RABGEF1: variants seen among roughly 807,000 people sequenced by gnomAD.
RABGEF1 encodes the protein RAB guanine nucleotide exchange factor 1.
In RABGEF1, 26 loss-of-function variants were observed where a neutral mutation model predicts 57.3. The ratio of observed to expected loss-of-function variants is 0.45; its 90% CI spans 0.33 to 0.63. The LOEUF is 0.63. RABGEF1 is among the 20% of genes least tolerant of loss of function. The pLI, the probability that RABGEF1 is intolerant of heterozygous loss-of-function variation, is 0.02. For missense variants in RABGEF1, 464 were observed against 607.6 expected, an observed-to-expected ratio of 0.76 and a Z score of 2.48; for synonymous variants, 185 against 210.7, an observed-to-expected ratio of 0.88 and a Z score of 1.06.
intron 7 of RABGEF1, among the ~76,000 whole-genome samples, chr7:66,801,557 C>T (rs149677764): frequency 1.3e-5 from 2 of 152,336 alleles, no homozygotes; most frequent in Non-Finnish European, 2.9e-5. Context: ...CCTTCCCAGC[C>T]TCTGGTAACC....
intron 4 of RABGEF1, among the ~76,000 whole-genome samples, chr7:66,785,872 TG>T (rs138640399): frequency 0.2 from 30,043 of 148,360 alleles, 3,439 homozygotes; most frequent in East Asian, 0.31. Context: ...AGACTCCATC[TG>T]GGGGGGAAAA....
intron 2 of RABGEF1, among the ~76,000 whole-genome samples, chr7:66,733,621 C>T (rs1797593533): frequency 6.6e-6 from 1 of 152,078 alleles, no homozygotes; most frequent in East Asian, 1.9e-4. Context: ...TTGCGTGAAC[C>T]CGGGAGGTGG....
intron 2 of RABGEF1, among the ~76,000 whole-genome samples, chr7:66,722,993 G>A (rs1409938610): frequency 1.3e-5 from 2 of 151,502 alleles, no homozygotes; most frequent in African/African-American, 4.8e-5. Flanking sequence ...TTTTGAGATG[G>A]AGTTTCACTC....
chr7:66,766,803 C>T (rs993766471), intron 1 of RABGEF1, among the ~76,000 whole-genome samples: 4 of 151,984 alleles, frequency 2.6e-5, no homozygotes, highest in Admixed American at 1.3e-4. Context: ...CGGCTTACTG[C>T]AGCCTCTGCC....
At chr7:66,659,471 A>G in the RABGEF1 span, among the ~76,000 whole-genome samples, 1 of 150,722 alleles carries the variant, frequency 6.6e-6, no homozygotes. Flanking sequence ...AAAAGAAAAA[A>G]GAAAAAAAAG....
intron 1 of RABGEF1, among the ~76,000 whole-genome samples, chr7:66,743,028 G>T (rs1201638771): frequency 1.3e-5 from 2 of 152,170 alleles, no homozygotes; most frequent in South Asian, 4.1e-4. Flanking sequence ...GGGTCTCTCT[G>T]GCCAGGCGCG....
In RABGEF1 at chr7:66,729,605, C is replaced by G. The variant is rs117554683; in HGVS notation, c.-814-10391C>G. On this transcript the variant is annotated intron_variant and NMD_transcript_variant, in intron 2 of 9. Coordinates refer to the RABGEF1 transcript ENST00000607882. Reference sequence around the variant, plus strand: ...ATCCTTACTTCCACCTTTACCTTCACCTTCACACCTGTCCTTACCTCCATT... The same window carrying G: ...ATCCTTACTTCCACCTTTACCTTCAGCTTCACACCTGTCCTTACCTCCATT... 5.3e-3 allele frequency among the ~76,000 whole-genome samples: 805 copies of G among 152,070 alleles called. 2 individuals are homozygous for G. The highest frequency in any genetic ancestry group is 9.8e-3 in the Non-Finnish European group (668 of 67,994).
At chr7:66,665,619 C>G in the RABGEF1 span, among the ~76,000 whole-genome samples, 32 of 152,162 alleles carry the variant, frequency 2.1e-4, no homozygotes, top group Non-Finnish European at 4.4e-4. Context: ...GGGACTCAGT[C>G]TTCTCCTTTG....
At chr7:66,785,821 C>G (rs929882610) in intron 4 of RABGEF1, among the ~76,000 whole-genome samples, 2 of 151,652 alleles carry the variant, frequency 1.3e-5, no homozygotes, top group Non-Finnish European at 2.9e-5. Context: ...TTGCAGTGAG[C>G]GGAGATTGCA....
At chr7:66,745,191 C>G (rs1288197153) in intron 1 of RABGEF1, among the ~76,000 whole-genome samples, 1 of 133,270 alleles carries the variant, frequency 7.5e-6, no homozygotes, top group Non-Finnish European at 1.6e-5. Context: ...GACTCCATCT[C>G]AAAAAAAAAA....
At chr7:66,772,941 T>C (rs1807536348) in intron 2 of RABGEF1, among the ~76,000 whole-genome samples, 1 of 151,178 alleles carries the variant, frequency 6.6e-6, no homozygotes, top group South Asian at 2.1e-4. Flanking sequence ...AATAAATAAA[T>C]GATGGGATGG....
chr7:66,695,328 C>T (rs544900030), intron 1 of RABGEF1, among the ~76,000 whole-genome samples: 19 of 151,870 alleles, frequency 1.3e-4, no homozygotes, highest in African/African-American at 4.3e-4. Flanking sequence ...AAAAGGACCT[C>T]GAGAAAGGGT....
At chr7:66,700,997 G>A (rs1584764971) in intron 1 of RABGEF1, among the ~76,000 whole-genome samples, 1 of 152,210 alleles carries the variant, frequency 6.6e-6, no homozygotes, top group Non-Finnish European at 1.5e-5. Flanking sequence ...TGCAGCCCAA[G>A]GAAGCCGTCC....
intron 1 of RABGEF1, among the ~76,000 whole-genome samples, chr7:66,708,999 A>G (rs1213591107): frequency 1.3e-5 from 2 of 151,390 alleles, no homozygotes; most frequent in African/African-American, 4.9e-5. Flanking sequence ...CATCAGTAGT[A>G]TGACCTTATT....
At chr7:66,764,063 T>C (rs1212849153) in intron 1 of RABGEF1, among the ~76,000 whole-genome samples, 2 of 152,252 alleles carry the variant, frequency 1.3e-5, no homozygotes, top group Non-Finnish European at 2.9e-5. Flanking sequence ...TTCTCCACAA[T>C]GGCTGTACCA....
Position 66,809,261 on chromosome 7 carries a change from C to T in RABGEF1, c.1453C>T (p.Gln485Ter). Residue 485 changes from glutamine to a stop codon, truncating the protein, a stop_gained, in exon 9 of 9, where the codon CAA becomes TAA. Transcript: ENST00000284957. LOFTEE classifies it high-confidence loss of function. ...VENDKLPPPL[Q>*]PQVYAG ...AAATGATAAACTTCCTCCACCACTG[C>T]AACCTCAAGTTTATGCAGGATGATC... 6.2e-7 allele frequency: 1 copy of T among 1,610,016 alleles called. No homozygotes were observed. Among genetic ancestry groups the T allele is most frequent in the Non-Finnish European group, 8.5e-7 (1 of 1,177,172 alleles).
Position 66,794,766 on chromosome 7 carries a change from C to T in RABGEF1, c.514-745C>T, listed in dbSNP as rs375550273. Among the ~76,000 whole-genome samples the T allele has an allele frequency of 4.6e-5, 7 of 152,174 alleles. No homozygotes were observed. The East Asian group carries it at 1.3e-3, about 29-fold the overall frequency. On this transcript the variant is annotated intron_variant, in intron 4 of 8. Coordinates refer to ENST00000284957, the MANE Select transcript of RABGEF1 (RefSeq NM_014504.3). ...AGAACCGAAAAGAAGATAGTCCTTA[C>T]AAAATTATTTATACCTACAGTGCAC... is the stretch of plus-strand genomic sequence containing the variant.
rs571880568 is a variant in RABGEF1, at chr7:66,685,351, G to C, written c.-873+3093G>C. 1.4e-3 allele frequency among the ~76,000 whole-genome samples: 215 copies of C among 151,976 alleles called. 1 individual carries two copies. Among genetic ancestry groups the C allele is most frequent in the Middle Eastern group, 3.4e-3 (1 of 294 alleles). On this transcript the variant is annotated intron_variant and NMD_transcript_variant, in intron 1 of 9. Transcript: ENST00000607882. ...TCTGTCTTGTATTTTAATCTTCTCT[G>C]CTCTTTAGATGTTTGAAGTGAGGCC...
chr7:66,733,796 A>T (rs1797618202), intron 2 of RABGEF1, among the ~76,000 whole-genome samples: 2 of 152,180 alleles, frequency 1.3e-5, no homozygotes, highest in South Asian at 4.1e-4. Flanking sequence ...TGAGGTCAGG[A>T]GTTTGAGACC....
Sources: allele counts gnomAD v4.1 joint callset (sites outside exome capture counted in the v4.1 genomes callset), GRCh38; gene constraint gnomAD v4.1.1; transcripts MANE v1.5; gene names NCBI Gene and HGNC (gene_info 2026-07-23, HGNC 2026-07-21).